Variants in PHACTR3 observed in about 807,000 individuals in gnomAD.
PHACTR3 encodes the protein phosphatase and actin regulator 3.
PHACTR3 carries 16 observed loss-of-function variants against 66.8 expected under a neutral mutation model. That is an observed-to-expected ratio of 0.24 (90% CI 0.16 to 0.36). The LOEUF is 0.36. Among genes scored for constraint, PHACTR3 ranks in the 10% least tolerant of loss-of-function variants. PHACTR3 has a pLI of 1.00. For synonymous variants in PHACTR3, 323 were observed against 292.1 expected, an observed-to-expected ratio of 1.11 and a Z score of -1.08; for missense variants, 647 against 719.9, an observed-to-expected ratio of 0.90 and a Z score of 1.16.
chr20:59,664,316 C>T (rs1461939966), intron 1 of PHACTR3, among the ~76,000 whole-genome samples: 2 of 152,122 alleles, frequency 1.3e-5, no homozygotes. Context: ...ACCTCCATGG[C>T]CATATCCTTG....
chr20:59,793,192 A>G (rs1161812471), intron 7 of PHACTR3, among the ~76,000 whole-genome samples: 2 of 152,062 alleles, frequency 1.3e-5, no homozygotes, highest in Non-Finnish European at 2.9e-5. Flanking sequence ...CCCAGCCTAT[A>G]GTAGTATATC....
At chr20:59,671,241 G>T (rs893335308) in intron 1 of PHACTR3, among the ~76,000 whole-genome samples, 1 of 152,200 alleles carries the variant, frequency 6.6e-6, no homozygotes, top group African/African-American at 2.4e-5. Context: ...GGCAAGTGGG[G>T]CTGTGAGCAT....
intron 1 of PHACTR3, among the ~76,000 whole-genome samples, chr20:59,737,993 C>T (rs1024975206): frequency 1.3e-5 from 2 of 152,072 alleles, no homozygotes; most frequent in Admixed American, 6.5e-5. Flanking sequence ...GCCACTAGGG[C>T]AGAAGTGGGG....
chr20:59,644,727 G>A (rs1160138923), intron 1 of PHACTR3, among the ~76,000 whole-genome samples: 1 of 152,174 alleles, frequency 6.6e-6, no homozygotes, highest in East Asian at 1.9e-4. Flanking sequence ...CACCTCCTGG[G>A]GGCTCTCCCT....
chr20:59,839,139 C>T (rs991262293), intron 9 of PHACTR3, among the ~76,000 whole-genome samples: 15 of 152,050 alleles, frequency 9.9e-5, no homozygotes, highest in Non-Finnish European at 1.3e-4. Context: ...AAACATTTTA[C>T]GTCACGTAAA....
At chr20:59,723,846 A>C (rs1299269238) in intron 1 of PHACTR3, among the ~76,000 whole-genome samples, 1 of 151,960 alleles carries the variant, frequency 6.6e-6, no homozygotes, top group Non-Finnish European at 1.5e-5. Flanking sequence ...TCTGCTCAGG[A>C]GTAGAATGGT....
At chr20:59,824,835 A>G (rs991296811) in intron 8 of PHACTR3, among the ~76,000 whole-genome samples, 1 of 152,116 alleles carries the variant, frequency 6.6e-6, no homozygotes, top group South Asian at 2.1e-4. Flanking sequence ...GGATTTTCCA[A>G]CTTTCTGCCC....
chr20:59,640,785 T>C (rs1032604385), intron 1 of PHACTR3, among the ~76,000 whole-genome samples: 2 of 152,158 alleles, frequency 1.3e-5, no homozygotes, highest in African/African-American at 4.8e-5. Flanking sequence ...GTTGCAAAGG[T>C]GATGAACTCC....
intron 1 of PHACTR3, among the ~76,000 whole-genome samples, chr20:59,641,741 T>C (rs2035109132): frequency 6.6e-6 from 1 of 152,238 alleles, no homozygotes; most frequent in Non-Finnish European, 1.5e-5. Flanking sequence ...TGTGTGTATG[T>C]ACATTTGTGT....
rs560287257 is a variant in PHACTR3 at position 59,818,324 on chromosome 20, C to T, written c.1328+12130C>T. Among the ~76,000 whole-genome samples, 4 of 152,234 alleles carry T rather than the reference C, an allele frequency of 2.6e-5. No individual in the cohort carries two copies. The East Asian group carries it at 7.7e-4, about 29-fold the overall frequency. On this transcript the variant is annotated intron_variant, in intron 8 of 12. Transcript: ENST00000371015. Reference sequence around the variant, plus strand: ...GGGCCACGGGAAGGATGCAATGAGCCGTCACACGTAGAATGCCTGGAATCA... The same window carrying T: ...GGGCCACGGGAAGGATGCAATGAGCTGTCACACGTAGAATGCCTGGAATCA...
Position 59,589,161 on chromosome 20 carries a change from C to T in PHACTR3, c.109+11544C>T, listed in dbSNP as rs150133806. On this transcript the variant is annotated intron_variant, in intron 1 of 12. Coordinates refer to the PHACTR3 transcript ENST00000359926. Reference sequence around the variant, plus strand: ...CTTTGTTACACCCCAAGTTGCGGGACGGCAGAGCCCTCTGCCAAATAGAGA... The same window carrying T: ...CTTTGTTACACCCCAAGTTGCGGGATGGCAGAGCCCTCTGCCAAATAGAGA... 3.1e-3 allele frequency among the ~76,000 whole-genome samples: 479 copies of T among 152,342 alleles called. 6 individuals are homozygous for T. The highest frequency in any genetic ancestry group is 0.011 in the African/African-American group (461 of 41,584).
At chr20:59,714,939 T>G (rs1034333355) in intron 1 of PHACTR3, among the ~76,000 whole-genome samples, 2 of 152,212 alleles carry the variant, frequency 1.3e-5, no homozygotes, top group Non-Finnish European at 2.9e-5. Context: ...TAATGACATT[T>G]AAGTTATCTC....
chr20:59,796,658 C>A (rs1011496623), intron 7 of PHACTR3, among the ~76,000 whole-genome samples: 1 of 152,142 alleles, frequency 6.6e-6, no homozygotes, highest in Non-Finnish European at 1.5e-5. Context: ...TTTTTTCCCC[C>A]TCTCTTATCA....
At chr20:59,630,409 C>A (rs935395824) in intron 1 of PHACTR3, among the ~76,000 whole-genome samples, 2 of 152,186 alleles carry the variant, frequency 1.3e-5, no homozygotes, top group African/African-American at 4.8e-5. Context: ...TCTTAAACTC[C>A]TAACCTCAGG....
chr20:59,589,413 T>C (rs1022139407), intron 1 of PHACTR3, among the ~76,000 whole-genome samples: 4 of 152,222 alleles, frequency 2.6e-5, no homozygotes, highest in Non-Finnish European at 4.4e-5. Context: ...TTACTATTTA[T>C]AGGTTTGTAC....
In PHACTR3 at chr20:59,738,221, C is replaced by T. The variant is rs976459259; in HGVS notation, c.119-4886C>T. ...ACCTCCTGTTAGTAAGTGGCAGGGC[C>T]AGGAGGGGAGCCTGGGGTGCCTGGT... On this transcript the variant is annotated intron_variant, in intron 1 of 12. Transcript: ENST00000371015. The surrounding 1 kb of genome is among the most constrained non-coding windows in gnomAD (Gnocchi z 4.4). Among the ~76,000 whole-genome samples, 1 of 152,038 alleles carries T rather than the reference C, an allele frequency of 6.6e-6. No individual in the cohort carries two copies. The highest frequency in any genetic ancestry group is 1.5e-5 in the Non-Finnish European group (1 of 68,002).
Position 59,847,224 on chromosome 20 carries a change from C to G in PHACTR3, c.*94C>G. 2.2e-6 allele frequency: 2 copies of G among 893,026 alleles called. No homozygotes were observed. The highest frequency in any genetic ancestry group is 3.6e-6 in the Non-Finnish European group (2 of 555,252). The allele number at this position is 893,026 out of a possible 1,614,324, so 55.3% of individuals were successfully genotyped here. On this transcript the variant is annotated 3_prime_UTR_variant, in exon 13 of 13. Coordinates refer to ENST00000371015, the MANE Select transcript of PHACTR3 (RefSeq NM_080672.5). ...TTCCTGAAGTTCAGCTCAAGACTAC[C>G]CTACCTGCTGTGTTTGTGAGAAGAG... is the stretch of plus-strand genomic sequence containing the variant.
intron 1 of PHACTR3, among the ~76,000 whole-genome samples, chr20:59,587,750 AGCCGGG>A (rs1446576129): frequency 6.7e-5 from 10 of 148,798 alleles, no homozygotes; most frequent in Admixed American, 6.0e-4. Context: ...CTGGGGCTGG[AGCCGGG>A]GCTGGGGCTG....
chr20:59,582,193 A>G (rs2032882482), intron 1 of PHACTR3, among the ~76,000 whole-genome samples: 1 of 152,206 alleles, frequency 6.6e-6, no homozygotes, highest in East Asian at 1.9e-4. Flanking sequence ...CTTTCTTGAC[A>G]TAAGCATGTG....
Sources: gnomAD v4.1 joint callset for allele counts (sites outside exome capture counted in the v4.1 genomes callset) on GRCh38, gnomAD v4.1.1 for gene constraint, Gnocchi (gnomAD v3.1) non-coding constraint, MANE v1.5 for transcripts, NCBI Gene and HGNC (gene_info 2026-07-23, HGNC 2026-07-21) for gene names.